PLD5: variants seen among roughly 807,000 people sequenced by gnomAD.
PLD5 encodes the protein phospholipase D family member 5, also known as inactive phospholipase D5.
A neutral mutation model predicts 61.1 loss-of-function variants in PLD5; 36 were observed. The observed-to-expected ratio is 0.59, with a 90% CI of 0.45 to 0.78. The LOEUF is 0.78. Among genes scored for constraint, PLD5 ranks in the 30% least tolerant of loss-of-function variants. The pLI, the probability that PLD5 is intolerant of heterozygous loss-of-function variation, is 0.00. For missense variants in PLD5, 515 were observed against 644.4 expected, an observed-to-expected ratio of 0.80 and a Z score of 2.17; for synonymous variants, 243 against 242.8, an observed-to-expected ratio of 1.00 and a Z score of -0.01.
At chr1:242,165,558 A>G (rs1012727166) in intron 5 of PLD5, among the ~76,000 whole-genome samples, 7 of 152,196 alleles carry the variant, frequency 4.6e-5, no homozygotes, top group African/African-American at 1.7e-4. Context: ...AAACCAATGA[A>G]CAACCCTTAG....
At chr1:242,399,063 C>T (rs1247319495) in intron 1 of PLD5, among the ~76,000 whole-genome samples, 1 of 152,196 alleles carries the variant, frequency 6.6e-6, no homozygotes, top group African/African-American at 2.4e-5. Flanking sequence ...CCTAAGGCTC[C>T]TTCCAGTCTT....
At position 242,264,414 on chromosome 1, in the gene PLD5, T is replaced by C. The variant is rs565951549; in HGVS notation, c.607+923A>G. Among the ~76,000 whole-genome samples the C allele has an allele frequency of 7.2e-5, 11 of 152,340 alleles. No homozygotes were observed. In the South Asian group the frequency reaches 2.1e-3, roughly 29 times the overall value. On this transcript the variant is annotated intron_variant, in intron 4 of 9. Coordinates refer to ENST00000536534, the MANE Select transcript of PLD5 (RefSeq NM_001372062.1). ...TTCTATGTGGTAATGACTTTCAATA[T>C]GCTTTATCACTTCCAATTTTTCTTC...
At chr1:242,135,698 G>T (rs549127860) in intron 5 of PLD5, among the ~76,000 whole-genome samples, 2 of 152,064 alleles carry the variant, frequency 1.3e-5, no homozygotes, top group East Asian at 3.9e-4. Flanking sequence ...TACAATCCAG[G>T]GTCATGATTG....
chr1:242,217,484 C>A (rs1390368667), intron 5 of PLD5, among the ~76,000 whole-genome samples: 1 of 151,490 alleles, frequency 6.6e-6, no homozygotes, highest in Admixed American at 6.6e-5. Context: ...ATTAGCTGGG[C>A]GTGGTGGTAC....
intron 8 of PLD5, among the ~76,000 whole-genome samples, chr1:242,101,019 T>G (rs1340381585): frequency 6.6e-6 from 1 of 152,212 alleles, no homozygotes; most frequent in African/African-American, 2.4e-5. Context: ...AGCTACAAAA[T>G]GAACACAAAA....
At chr1:242,266,360 G>A (rs1302223526) in intron 3 of PLD5, among the ~76,000 whole-genome samples, 1 of 152,258 alleles carries the variant, frequency 6.6e-6, no homozygotes, top group Non-Finnish European at 1.5e-5. Flanking sequence ...CAGCCTGGGC[G>A]ACAGAACAAG....
chr1:242,198,816 C>A (rs1456759116), intron 5 of PLD5, among the ~76,000 whole-genome samples: 1 of 151,600 alleles, frequency 6.6e-6, no homozygotes, highest in Admixed American at 6.6e-5. Context: ...CTCACCGCAA[C>A]CTCCACCTCC....
At chr1:242,277,573 C>G (rs913760033) in intron 3 of PLD5, among the ~76,000 whole-genome samples, 1 of 148,734 alleles carries the variant, frequency 6.7e-6, no homozygotes, top group Non-Finnish European at 1.5e-5. Context: ...GTTATATTAA[C>G]TTAACCTGGT....
chr1:242,124,732 G>T (rs1040186013), intron 5 of PLD5, 67 bp from the exon 6 acceptor site: 11 of 1,349,844 alleles, frequency 8.1e-6, no homozygotes, highest in African/African-American at 2.9e-5. Flanking sequence ...AGAGAAAAAA[G>T]GAATGCATAA....
chr1:242,339,225 G>A (rs553376959), intron 2 of PLD5, among the ~76,000 whole-genome samples: 89 of 152,148 alleles, frequency 5.8e-4, no homozygotes, highest in Admixed American at 2.6e-3. Context: ...AAAGGTATCC[G>A]CTCAGCCAGG....
chr1:242,304,272 G>A (rs537926325), intron 2 of PLD5, among the ~76,000 whole-genome samples: 195 of 152,174 alleles, frequency 1.3e-3, no homozygotes, highest in Non-Finnish European at 2.5e-3. Flanking sequence ...AAGTTTTCTC[G>A]TGAGTGCACA....
chr1:242,281,162 A>G (rs1674697246), intron 3 of PLD5, among the ~76,000 whole-genome samples: 1 of 152,232 alleles, frequency 6.6e-6, no homozygotes. Flanking sequence ...AAATGTTAAT[A>G]ATATCATTTA....
At chr1:242,257,065 T>TATC (rs1419904398) in intron 4 of PLD5, among the ~76,000 whole-genome samples, 1 of 151,178 alleles carries the variant, frequency 6.6e-6, no homozygotes, top group Non-Finnish European at 1.5e-5. Context: ...TCTATCTATC[T>TATC]ATCTATCTAT....
chr1:242,394,228 A>ATATATATGAGTATATATATGTG, intron 1 of PLD5, among the ~76,000 whole-genome samples: 1 of 19,242 alleles, frequency 5.2e-5, no homozygotes, highest in Non-Finnish European at 2.2e-4. Flanking sequence ...ATATATGTGT[A>ATATATATGAGTATATATATGTG]TATATATGAG....
intron 2 of PLD5, among the ~76,000 whole-genome samples, chr1:242,297,608 T>G (rs1422308884): frequency 6.6e-6 from 1 of 150,430 alleles, no homozygotes. Flanking sequence ...TTAATTAGTA[T>G]GGATTCATGT....
chr1:242,484,391 C>A (rs1221165885), intron 1 of PLD5, among the ~76,000 whole-genome samples: 6 of 152,260 alleles, frequency 3.9e-5, no homozygotes, highest in African/African-American at 1.4e-4. Flanking sequence ...CCACCAATCC[C>A]ACAGAAATAC....
In PLD5 at chr1:242,429,630, GCTTT is replaced by G. The variant is rs1665613211; in HGVS notation, c.190-81392_190-81389del. On this transcript the variant is annotated intron_variant, in intron 1 of 9. Coordinates refer to ENST00000536534, the MANE Select transcript of PLD5 (RefSeq NM_001372062.1). ...AAATCTGCATGAAATATTTTAATTG[GCTTT>G]CTGACTGATTACCATTTTTACTTCT... Among the ~76,000 whole-genome samples the G allele has an allele frequency of 5.3e-5, 8 of 152,236 alleles. No individual in the cohort carries two copies. The South Asian group carries it at 1.7e-3, about 32-fold the overall frequency.
In PLD5 at chr1:242,251,717, G is replaced by A. The variant is rs570536904; in HGVS notation, c.607+13620C>T. Among the ~76,000 whole-genome samples, 10 of 152,214 alleles carry A rather than the reference G, an allele frequency of 6.6e-5. No individual in the cohort carries two copies. In the East Asian group the frequency reaches 1.9e-3, roughly 29 times the overall value. On this transcript the variant is annotated intron_variant, in intron 4 of 9. Transcript: ENST00000536534. ...TTCCTTTCCCCTCATTGACTTGAGT[G>A]TGTTTATACATTAAGGGGAGAGAGC...
At chr1:242,169,035 C>T (rs1226079796) in intron 5 of PLD5, among the ~76,000 whole-genome samples, 1 of 151,702 alleles carries the variant, frequency 6.6e-6, no homozygotes, top group Admixed American at 6.6e-5. Context: ...TGCTTTAATT[C>T]CCCCATAAAC....
Sources: gnomAD v4.1 joint callset for allele counts (sites outside exome capture counted in the v4.1 genomes callset) on GRCh38, gnomAD v4.1.1 for gene constraint, MANE v1.5 for transcripts, NCBI Gene and HGNC (gene_info 2026-07-23, HGNC 2026-07-21) for gene names.